The following SSBP2 variants were observed in gnomAD, a reference collection of about 807,000 sequenced individuals.
SSBP2 encodes single stranded DNA binding protein 2.
A neutral mutation model predicts 61.8 loss-of-function variants in SSBP2; 17 were observed. That is an observed-to-expected ratio of 0.28 (90% CI 0.19 to 0.41). The LOEUF is 0.41. SSBP2 is among the 10% of genes least tolerant of loss of function. The pLI is 1.00. For synonymous variants in SSBP2, 139 were observed against 141.3 expected, an observed-to-expected ratio of 0.98 and a Z score of 0.12; for missense variants, 310 against 458.7, an observed-to-expected ratio of 0.68 and a Z score of 2.96.
intron 4 of SSBP2, among the ~76,000 whole-genome samples, chr5:81,522,865 T>G (rs1460114180): frequency 6.6e-6 from 1 of 152,108 alleles, no homozygotes; most frequent in East Asian, 1.9e-4. Context: ...TTTTACATGT[T>G]ATTTTCACAA....
At chr5:81,501,182 G>C (rs1767685472) in intron 5 of SSBP2, among the ~76,000 whole-genome samples, 1 of 130,760 alleles carries the variant, frequency 7.6e-6, no homozygotes, top group Admixed American at 8.4e-5. Flanking sequence ...CTGTACTCCA[G>C]CCTGGGTGAC....
At chr5:81,554,596 C>T (rs2153383875) in intron 4 of SSBP2, among the ~76,000 whole-genome samples, 1 of 151,966 alleles carries the variant, frequency 6.6e-6, no homozygotes, top group East Asian at 1.9e-4. Context: ...CATAAAAATT[C>T]CTCCTACAAA....
chr5:81,434,711 A>G (rs896258442), intron 15 of SSBP2, among the ~76,000 whole-genome samples: 2 of 152,036 alleles, frequency 1.3e-5, no homozygotes, highest in Non-Finnish European at 2.9e-5. Flanking sequence ...TCACAAACAA[A>G]ATTACTCGAA....
At chr5:81,547,018 T>C (rs1013013186) in intron 4 of SSBP2, among the ~76,000 whole-genome samples, 17 of 85,336 alleles carry the variant, frequency 2.0e-4, no homozygotes, top group Admixed American at 3.1e-4. Context: ...GTTTTTATAG[T>C]AAAGGGCAAA....
chr5:81,462,505 G>C (rs917046166), intron 9 of SSBP2, among the ~76,000 whole-genome samples: 2 of 152,118 alleles, frequency 1.3e-5, no homozygotes, highest in African/African-American at 4.8e-5. Flanking sequence ...GATACCAGTG[G>C]GGACTTGATA....
chr5:81,465,726 G>C (rs1764846884), intron 9 of SSBP2, among the ~76,000 whole-genome samples: 1 of 151,964 alleles, frequency 6.6e-6, no homozygotes, highest in African/African-American at 2.4e-5. Flanking sequence ...ATTGGTAAGA[G>C]CTTCAGCTTT....
intron 4 of SSBP2, among the ~76,000 whole-genome samples, chr5:81,551,472 T>C (rs181920434): frequency 2.0e-5 from 3 of 152,234 alleles, no homozygotes; most frequent in East Asian, 1.9e-4. Context: ...TACTTTTATA[T>C]AGCATTAACC....
At chr5:81,446,814 C>T in intron 12 of SSBP2, 54 bp downstream of exon 12, 1 of 1,526,332 alleles carries the variant, frequency 6.6e-7, no homozygotes, top group Non-Finnish European at 8.9e-7. Context: ...TTTCTATATT[C>T]TGTGATTTTA....
chr5:81,582,007 TTCAC>T (rs945336495), intron 4 of SSBP2, among the ~76,000 whole-genome samples: 1 of 152,162 alleles, frequency 6.6e-6, no homozygotes, highest in Non-Finnish European at 1.5e-5. Context: ...TCCTTTTCCT[TTCAC>T]TCAGTTTTTC....
At chr5:81,572,087 A>C (rs1423441997) in intron 4 of SSBP2, among the ~76,000 whole-genome samples, 1 of 152,168 alleles carries the variant, frequency 6.6e-6, no homozygotes, top group African/African-American at 2.4e-5. Context: ...ATAGTACCAC[A>C]CCAGATTCTT....
At chr5:81,661,508 A>C (rs1189255953) in intron 1 of SSBP2, among the ~76,000 whole-genome samples, 1 of 124,362 alleles carries the variant, frequency 8.0e-6, no homozygotes, top group Non-Finnish European at 1.6e-5. Context: ...CCTCAATAAC[A>C]CTTCTCTCTT....
intron 4 of SSBP2, among the ~76,000 whole-genome samples, chr5:81,516,065 A>G (rs770536874): frequency 6.6e-6 from 1 of 151,986 alleles, no homozygotes; most frequent in Non-Finnish European, 1.5e-5. Flanking sequence ...CAAACAAAAT[A>G]TATTTATCCA....
At chr5:81,566,412 A>G (rs919616139) in intron 4 of SSBP2, among the ~76,000 whole-genome samples, 2 of 152,072 alleles carry the variant, frequency 1.3e-5, no homozygotes, top group Non-Finnish European at 1.5e-5. Context: ...TTTATCAGGG[A>G]TTTCTGCTTT....
At chr5:81,683,691 T>A (rs1402967388) in intron 1 of SSBP2, among the ~76,000 whole-genome samples, 2 of 152,076 alleles carry the variant, frequency 1.3e-5, no homozygotes, top group African/African-American at 4.8e-5. Flanking sequence ...AGGCACAGAA[T>A]GAGGGAAAAT....
At chr5:81,520,401 C>T (rs1403020268) in intron 4 of SSBP2, among the ~76,000 whole-genome samples, 2 of 152,180 alleles carry the variant, frequency 1.3e-5, no homozygotes, top group African/African-American at 4.8e-5. Flanking sequence ...CTTAAGCCAT[C>T]TAATGATTAT....
chr5:81,497,644 T>G (rs1435983627), intron 5 of SSBP2, among the ~76,000 whole-genome samples: 1 of 152,138 alleles, frequency 6.6e-6, no homozygotes, highest in African/African-American at 2.4e-5. Context: ...ATAAATTATA[T>G]CTTCCAGAGG....
intron 15 of SSBP2, among the ~76,000 whole-genome samples, chr5:81,434,560 C>A (rs62366209): frequency 0.018 from 2,555 of 140,042 alleles, 45 homozygotes; most frequent in South Asian, 0.11. Context: ...ACCCAGGAGG[C>A]GGAGGTTGCG....
intron 2 of SSBP2, among the ~76,000 whole-genome samples, chr5:81,644,492 G>C (rs1447387801): frequency 6.6e-6 from 1 of 152,172 alleles, no homozygotes; most frequent in African/African-American, 2.4e-5. Context: ...AAGGCATGCT[G>C]AGGAAAACAG....
At chr5:81,744,464 A>G (rs921776348) in intron 1 of SSBP2, among the ~76,000 whole-genome samples, 2 of 152,166 alleles carry the variant, frequency 1.3e-5, no homozygotes, top group Admixed American at 6.5e-5. Flanking sequence ...AGAGCTACAT[A>G]TATTTTCATC....
Sources: allele counts gnomAD v4.1 joint callset (sites outside exome capture counted in the v4.1 genomes callset), GRCh38; gene constraint gnomAD v4.1.1; transcripts MANE v1.5; gene names NCBI Gene and HGNC (gene_info 2026-07-23, HGNC 2026-07-21).